Variants in SCAMP1 observed in about 807,000 individuals in gnomAD.
The protein encoded by SCAMP1 is secretory carrier membrane protein 1.
Under a neutral mutation model 41.8 loss-of-function variants are expected in SCAMP1, and 15 were observed. The ratio of observed to expected loss-of-function variants is 0.36; its 90% CI spans 0.24 to 0.55. The LOEUF (loss-of-function observed/expected upper bound fraction) is 0.55. Ranked by LOEUF, SCAMP1 falls within the 20% of genes least tolerant of loss-of-function variation. The probability of loss-of-function intolerance (pLI) is 0.86; values close to 1 mark genes in which losing one functional copy is unlikely to be tolerated. For synonymous variants in SCAMP1, 135 were observed against 136.8 expected (o/e 0.99, Z 0.09); for missense variants, 341 against 412.6 (o/e 0.83, Z 1.50).
chr5:78,452,413 C>T (rs1371330197), intron 7 of SCAMP1, among the ~76,000 whole-genome samples: 76 of 136,044 alleles, frequency 5.6e-4, no homozygotes, highest in Non-Finnish European at 1.0e-3. Context: ...TGTTCAATTC[C>T]CACCTATGAG....
At chr5:78,361,679 T>C (rs1750657063) in intron 1 of SCAMP1, among the ~76,000 whole-genome samples, 1 of 152,284 alleles carries the variant, frequency 6.6e-6, no homozygotes, top group Non-Finnish European at 1.5e-5. Flanking sequence ...AGTGTAACTG[T>C]TAGCACGTGT....
intron 6 of SCAMP1, among the ~76,000 whole-genome samples, chr5:78,436,149 A>G (rs1222588004): frequency 6.6e-6 from 1 of 152,166 alleles, no homozygotes; most frequent in African/African-American, 2.4e-5. Context: ...GTAAATTGCA[A>G]AAATTTTCTC....
chr5:78,442,964 T>TG (rs763671071), intron 6 of SCAMP1, among the ~76,000 whole-genome samples: 5 of 152,152 alleles, frequency 3.3e-5, no homozygotes, highest in Non-Finnish European at 1.5e-5. Context: ...CCCAGCACTT[T>TG]GGGAGGCCAA....
chr5:78,430,160 A>T (rs371582583), intron 6 of SCAMP1, among the ~76,000 whole-genome samples: 817 of 6,686 alleles, frequency 0.12, 40 homozygotes, highest in African/African-American at 0.29. Flanking sequence ...TTATAAATAC[A>T]GTATTTATTT....
rs554496782 is a variant in SCAMP1 at position 78,441,086 on chromosome 5, G to A, written c.633-8847G>A. 2.2e-4 allele frequency among the ~76,000 whole-genome samples: 34 copies of A among 152,272 alleles called. 1 individual carries two copies. The South Asian group carries it at 6.9e-3, about 31-fold the overall frequency. On this transcript the variant is annotated intron_variant, in intron 6 of 8. Transcript: ENST00000621999. ...CACAGTGTTAGGGTGGAAGTGTCCC[G>A]ATTTTCCAGGTACCATCTTTCATGG...
intron 1 of SCAMP1, among the ~76,000 whole-genome samples, chr5:78,367,757 C>G (rs960580178): frequency 6.6e-6 from 1 of 152,144 alleles, no homozygotes; most frequent in Non-Finnish European, 1.5e-5. Context: ...CACTCCCATT[C>G]AAATAGGGAA....
At position 78,407,749 on chromosome 5, in the gene SCAMP1, CA is replaced by C. The variant is rs370206683; in HGVS notation, c.136-7770del. Among the ~76,000 whole-genome samples the C allele has an allele frequency of 1.5e-3, 233 of 151,846 alleles. 2 individuals are homozygous for C. Among genetic ancestry groups the C allele is most frequent in the African/African-American group, 5.5e-3 (228 of 41,414 alleles). On this transcript the variant is annotated intron_variant, in intron 2 of 8. Transcript: ENST00000621999. The stretch of plus-strand genomic sequence containing the variant: ...TGTGCTGTGTCATTAGATTCACTTC[CA>C]TTCCTTTATTATTTCATCTTTGTGT...
chr5:78,416,736 GATA>G, intron 4 of SCAMP1, 87 bp downstream of exon 4: 1 of 943,874 alleles, frequency 1.1e-6, no homozygotes, highest in Non-Finnish European at 1.6e-6. Flanking sequence ...TTGGCCTGTG[GATA>G]AAACCCTACC....
At chr5:78,384,709 T>A (rs936517053) in intron 1 of SCAMP1, among the ~76,000 whole-genome samples, 8 of 152,172 alleles carry the variant, frequency 5.3e-5, no homozygotes, top group Non-Finnish European at 7.4e-5. Flanking sequence ...ATTGAGATGA[T>A]CAGGTAATTC....
chr5:78,412,400 C>T (rs1752102539), intron 2 of SCAMP1, among the ~76,000 whole-genome samples: 1 of 151,016 alleles, frequency 6.6e-6, no homozygotes, highest in South Asian at 2.1e-4. Flanking sequence ...TTTTAACATT[C>T]AATTTTTAAT....
intron 6 of SCAMP1, among the ~76,000 whole-genome samples, chr5:78,433,069 A>G (rs1024170016): frequency 1.3e-5 from 2 of 152,138 alleles, no homozygotes; most frequent in African/African-American, 4.8e-5. Context: ...CATTTCTACC[A>G]TATCCATTTG....
chr5:78,381,245 C>A (rs1751199257), intron 1 of SCAMP1, among the ~76,000 whole-genome samples: 1 of 152,110 alleles, frequency 6.6e-6, no homozygotes, highest in Non-Finnish European at 1.5e-5. Context: ...TCAGAAAGAT[C>A]ATTGCTTAGC....
intron 1 of SCAMP1, among the ~76,000 whole-genome samples, chr5:78,382,776 GGTGTGT>G (rs61523492): frequency 0.062 from 8,047 of 130,246 alleles, 568 homozygotes; most frequent in African/African-American, 0.2. Flanking sequence ...AGTATTCCAT[GGTGTGT>G]GTGTGTGTGT....
At chr5:78,453,608 G>C (rs1025343174) in intron 7 of SCAMP1, among the ~76,000 whole-genome samples, 4 of 151,888 alleles carry the variant, frequency 2.6e-5, no homozygotes, top group African/African-American at 7.3e-5. Context: ...ATAGTTTGAA[G>C]TCAGGTAGTG....
intron 2 of SCAMP1, among the ~76,000 whole-genome samples, chr5:78,402,124 G>A (rs983619979): frequency 1.3e-5 from 2 of 149,370 alleles, no homozygotes; most frequent in Non-Finnish European, 3.0e-5. Context: ...CACATATTTT[G>A]GGATGTTTCA....
At chr5:78,375,132 G>A (rs1751035290) in intron 1 of SCAMP1, among the ~76,000 whole-genome samples, 1 of 151,976 alleles carries the variant, frequency 6.6e-6, no homozygotes, top group African/African-American at 2.4e-5. Context: ...TCAGCTTGGG[G>A]CATTTCTTGT....
intron 8 of SCAMP1, among the ~76,000 whole-genome samples, chr5:78,472,817 A>C (rs1580724271): frequency 1.3e-5 from 2 of 152,198 alleles, no homozygotes; most frequent in African/African-American, 4.8e-5. Context: ...ATTTAGTGCA[A>C]GTTTGAAAAA....
At chr5:78,390,718 C>T (rs1443449678) in intron 2 of SCAMP1, among the ~76,000 whole-genome samples, 2 of 146,270 alleles carry the variant, frequency 1.4e-5, no homozygotes, top group Non-Finnish European at 1.5e-5. Context: ...TTGGCAGGGT[C>T]ATAGGACAAT....
intron 2 of SCAMP1, among the ~76,000 whole-genome samples, chr5:78,401,293 T>C (rs1751790933): frequency 6.6e-6 from 1 of 152,140 alleles, no homozygotes; most frequent in South Asian, 2.1e-4. Context: ...TATTGATCTA[T>C]AGTTTTTTTG....
Sources: gnomAD v4.1 joint callset for allele counts (sites outside exome capture counted in the v4.1 genomes callset) on GRCh38, gnomAD v4.1.1 for gene constraint, MANE v1.5 for transcripts, NCBI Gene and HGNC (gene_info 2026-07-23, HGNC 2026-07-21) for gene names.